Variants in TTC7B observed in about 807,000 individuals in gnomAD.
The protein encoded by TTC7B is tetratricopeptide repeat protein 7B.
Under a neutral mutation model 106.8 loss-of-function variants are expected in TTC7B, and 28 were observed. The observed-to-expected ratio is 0.26, with a 90% CI of 0.19 to 0.36. The LOEUF (loss-of-function observed/expected upper bound fraction) is 0.36, where lower values mean the gene tolerates loss of function less well. Among genes scored for constraint, TTC7B ranks in the 10% least tolerant of loss-of-function variants. The pLI, the probability that TTC7B is intolerant of heterozygous loss-of-function variation, is 1.00. For missense variants in TTC7B, 862 were observed against 1,076.4 expected (o/e 0.80, Z 2.79); for synonymous variants, 405 against 430.6 (o/e 0.94, Z 0.74).
At chr14:90,643,948 G>T in intron 15 of TTC7B, 100 bp downstream of exon 15, 1 of 1,359,232 alleles carries the variant, frequency 7.4e-7, no homozygotes, top group Non-Finnish European at 1.0e-6. Flanking sequence ...TGACTGCCAG[G>T]GTGTCCATGA....
chr14:90,630,357 G>A (rs1001984084), intron 15 of TTC7B, among the ~76,000 whole-genome samples: 11 of 152,134 alleles, frequency 7.2e-5, no homozygotes, highest in Non-Finnish European at 1.3e-4. Context: ...CATTGGCTCC[G>A]TGATGCAGAG....
intron 19 of TTC7B, among the ~76,000 whole-genome samples, chr14:90,547,925 G>A (rs536037965): frequency 2.6e-4 from 40 of 152,288 alleles, no homozygotes; most frequent in African/African-American, 7.2e-4. Context: ...GGGAGATAAC[G>A]TCCCTGAAAG....
intron 1 of TTC7B, among the ~76,000 whole-genome samples, chr14:90,799,915 C>T (rs1286333): frequency 0.61 from 93,313 of 151,848 alleles, 30,141 homozygotes; most frequent in Middle Eastern, 0.72. Flanking sequence ...CTGCAACCTC[C>T]GCCTCCTGGG....
chr14:90,780,315 A>G (rs1360360550), intron 3 of TTC7B, among the ~76,000 whole-genome samples: 4 of 151,974 alleles, frequency 2.6e-5, no homozygotes, highest in Non-Finnish European at 5.9e-5. Flanking sequence ...TGGGAGGCGG[A>G]GGTTGCGGTA....
rs897591267 is a variant in TTC7B, at chr14:90,807,437, C to T, written c.121+8738G>A. Among the ~76,000 whole-genome samples, 1 of 152,206 alleles carries T rather than the reference C, an allele frequency of 6.6e-6. No homozygotes were observed. Among genetic ancestry groups the T allele is most frequent in the Non-Finnish European group, 1.5e-5 (1 of 68,046 alleles). The stretch of plus-strand genomic sequence containing the variant: ...CCCTGGGATCCTGCTTCCTGAGTCC[C>T]TAAACCACTAAGACCTCCTGAAGCA... On this transcript the variant is annotated intron_variant, in intron 1 of 19. Coordinates refer to ENST00000328459, the MANE Select transcript of TTC7B (RefSeq NM_001010854.2). The surrounding 1 kb of genome is among the most constrained non-coding windows in gnomAD (Gnocchi z 4.1).
intron 16 of TTC7B, among the ~76,000 whole-genome samples, chr14:90,612,163 A>G (rs1892901681): frequency 1.3e-5 from 2 of 152,170 alleles, no homozygotes; most frequent in Non-Finnish European, 2.9e-5. Context: ...AGGACAGACT[A>G]TTTGTCAGCC....
In TTC7B at chr14:90,798,709, C is replaced by CAAA. The variant is rs36223089; in HGVS notation, c.122-12384_122-12382dup. Among the ~76,000 whole-genome samples the CAAA allele has an allele frequency of 4.2e-3, 221 of 52,272 alleles. 17 individuals carry two copies. The highest frequency in any genetic ancestry group is 0.011 in the African/African-American group (179 of 16,546). The allele number at this position is 52,272 out of a possible 152,430, so 34.3% of individuals were successfully genotyped here. A position where few individuals can be genotyped will look rare whatever the true frequency, so the allele number is the denominator to read the frequency against. On this transcript the variant is annotated intron_variant, in intron 1 of 19. Transcript: ENST00000328459. ...TGGGCGACAGAGTGAGACTCCATCT[C>CAAA]AAAAAAAAAAAAAAAAAAAAAAACA...
rs1892900106 is a variant in TTC7B, at chr14:90,612,112, ACAT to A, written c.1869-1276_1869-1274del. On this transcript the variant is annotated intron_variant, in intron 16 of 19. Coordinates refer to ENST00000328459, the MANE Select transcript of TTC7B (RefSeq NM_001010854.2). ...TCCACGTCCAGCGATTTCTCTAACT[ACAT>A]TAGAGAAATCCACAGGAAGCAGAAG... Among the ~76,000 whole-genome samples the A allele has an allele frequency of 2.6e-5, 4 of 152,174 alleles. No individual in the cohort carries two copies. The South Asian group carries it at 8.3e-4, about 32-fold the overall frequency.
rs1383189471 is a variant in TTC7B, at chr14:90,759,148, C to T, written c.446-14226G>A. Among the ~76,000 whole-genome samples the T allele has an allele frequency of 6.6e-6, 1 of 152,114 alleles. No individual in the cohort carries two copies. The highest frequency in any genetic ancestry group is 1.5e-5 in the Non-Finnish European group (1 of 68,016). On this transcript the variant is annotated intron_variant, in intron 3 of 19. Transcript: ENST00000328459. This position sits in a 1 kb window ranked among gnomAD's most constrained non-coding sequence, Gnocchi z 4.1. ...TTCCTGCTCTTCTGTCCCACTCCGA[C>T]CCACTCCGGAGAGCCACGCTCTGAG...
intron 5 of TTC7B, among the ~76,000 whole-genome samples, chr14:90,709,210 C>T (rs1221326508): frequency 6.6e-6 from 1 of 151,282 alleles, no homozygotes; most frequent in African/African-American, 2.4e-5. Flanking sequence ...GATTATAAAT[C>T]ATGCTGCTAT....
At chr14:90,637,077 G>A (rs1054914663) in intron 15 of TTC7B, among the ~76,000 whole-genome samples, 2 of 151,534 alleles carry the variant, frequency 1.3e-5, no homozygotes, top group African/African-American at 4.8e-5. Flanking sequence ...AAACCCACAA[G>A]TGAGTTGACA....
At chr14:90,661,089 C>T (rs1210800531) in intron 9 of TTC7B, among the ~76,000 whole-genome samples, 42 of 152,216 alleles carry the variant, frequency 2.8e-4, no homozygotes, top group Admixed American at 2.7e-3. Flanking sequence ...AGTAGGGTGG[C>T]CAGGAACACT....
chr14:90,563,378 G>A (rs920709213), intron 19 of TTC7B, among the ~76,000 whole-genome samples: 5 of 152,248 alleles, frequency 3.3e-5, no homozygotes, highest in Non-Finnish European at 7.3e-5. Context: ...ACACTACAGT[G>A]TGTCTATTAA....
chr14:90,717,067 T>C (rs576279790), intron 5 of TTC7B, among the ~76,000 whole-genome samples: 63 of 152,258 alleles, frequency 4.1e-4, no homozygotes, highest in Admixed American at 3.7e-3. Flanking sequence ...CAGCCAGGCG[T>C]GGTGACTCAC....
At position 90,578,058 on chromosome 14, in the gene TTC7B, G is replaced by T. The variant is rs1402899513; in HGVS notation, c.2310+48C>A. On this transcript the variant is annotated intron_variant, in intron 19 of 19. Transcript: ENST00000328459. This position sits in a 1 kb window ranked among gnomAD's most constrained non-coding sequence, Gnocchi z 4.7. ...CATGTGCTACCTGCCGCTTCCAAGG[G>T]CTGTCCCCATGCCAGAGTAGGGGCC... The T allele has an allele frequency of 3.2e-6, 5 of 1,562,046 alleles. No homozygotes were observed.
intron 6 of TTC7B, among the ~76,000 whole-genome samples, chr14:90,690,282 G>T (rs572208766): frequency 6.6e-6 from 1 of 152,328 alleles, no homozygotes; most frequent in Non-Finnish European, 1.5e-5. Flanking sequence ...TGGCCCAGAG[G>T]TTTTCACTGG....
chr14:90,635,740 A>C (rs984121480), intron 15 of TTC7B, among the ~76,000 whole-genome samples: 13 of 143,076 alleles, frequency 9.1e-5, no homozygotes, highest in Non-Finnish European at 1.8e-4. Flanking sequence ...AGCCTGGGCG[A>C]CAGAGTCAGA....
At chr14:90,630,106 G>A (rs1944170049) in intron 15 of TTC7B, among the ~76,000 whole-genome samples, 1 of 152,164 alleles carries the variant, frequency 6.6e-6, no homozygotes, top group Non-Finnish European at 1.5e-5. Flanking sequence ...AACAAACGTG[G>A]CTTCAAATAC....
At chr14:90,621,900 C>T (rs1884216498) in intron 15 of TTC7B, among the ~76,000 whole-genome samples, 1 of 152,142 alleles carries the variant, frequency 6.6e-6, no homozygotes, top group African/African-American at 2.4e-5. Context: ...ACGAAGAGTA[C>T]ACAAACAATG....
Sources: gnomAD v4.1 joint callset for allele counts (sites outside exome capture counted in the v4.1 genomes callset) on GRCh38, gnomAD v4.1.1 for gene constraint, Gnocchi (gnomAD v3.1) non-coding constraint, MANE v1.5 for transcripts, NCBI Gene and HGNC (gene_info 2026-07-23, HGNC 2026-07-21) for gene names.